LMO7: variants seen among roughly 807,000 people sequenced by gnomAD.
The protein encoded by LMO7 is LIM domain only protein 7.
Under a neutral mutation model 206.5 loss-of-function variants are expected in LMO7, and 120 were observed. The observed-to-expected ratio is 0.58, with a 90% CI of 0.50 to 0.68. The LOEUF (loss-of-function observed/expected upper bound fraction) is 0.68. Among genes scored for constraint, LMO7 ranks in the 30% least tolerant of loss-of-function variants. LMO7 has a pLI of 0.00. For synonymous variants in LMO7, 706 were observed against 681.5 expected, an observed-to-expected ratio of 1.04 and a Z score of -0.56; for missense variants, 1,959 against 1,957.9, an observed-to-expected ratio of 1.00 and a Z score of -0.01.
intron 3 of LMO7, among the ~76,000 whole-genome samples, chr13:75,729,792 G>T (rs1274630451): frequency 2.7e-5 from 4 of 150,306 alleles, no homozygotes; most frequent in Non-Finnish European, 5.9e-5. Context: ...ATTATTTTGA[G>T]ATATGTCCCA....
In LMO7 at chr13:75,636,523, C is replaced by A; in HGVS notation, c.-135C>A. 3 of 1,514,544 alleles carry A rather than the reference C, an allele frequency of 2.0e-6. No homozygotes were observed. The highest frequency in any genetic ancestry group is 2.2e-5 in the Admixed American group (1 of 46,236). 93.8% of individuals were successfully genotyped at this position (1,514,544 alleles called of 1,614,324 possible). On this transcript the variant is annotated 5_prime_UTR_variant, in exon 1 of 31. Coordinates refer to ENST00000377534, the MANE Select transcript of LMO7 (RefSeq NM_001306080.2). ...GCAACAAAGGGAACTAGAGCCCCGG[C>A]GCCTTCGCAGCCGGAGCGGAAGCCG...
At chr13:75,801,002 A>G (rs1395251425) in intron 7 of LMO7, 120 bp downstream of exon 7, 4 of 844,534 alleles carry the variant, frequency 4.7e-6, no homozygotes, top group Admixed American at 1.9e-5. Context: ...GTGGATTTTC[A>G]TAGAGACTGG....
intron 3 of LMO7, among the ~76,000 whole-genome samples, chr13:75,737,773 A>AAAAAG (rs1566372136): frequency 1.6e-4 from 6 of 36,492 alleles, no homozygotes; most frequent in Non-Finnish European, 2.3e-4. Context: ...AAAATAAAAT[A>AAAAAG]AAATAAAATA....
chr13:75,780,062 C>T (rs958673131), intron 4 of LMO7, among the ~76,000 whole-genome samples: 1 of 152,092 alleles, frequency 6.6e-6, no homozygotes, highest in African/African-American at 2.4e-5. Context: ...TCACATGCTT[C>T]AAGGGCAATA....
At chr13:75,831,140 T>C (rs1464071262) in intron 15 of LMO7, among the ~76,000 whole-genome samples, 1 of 152,186 alleles carries the variant, frequency 6.6e-6, no homozygotes, top group East Asian at 1.9e-4. Flanking sequence ...ATTCTTCAGA[T>C]TGGCATTCAT....
At chr13:75,837,721 TTTCAC>T (rs2059242131) in intron 19 of LMO7, among the ~76,000 whole-genome samples, 1 of 152,206 alleles carries the variant, frequency 6.6e-6, no homozygotes, top group Non-Finnish European at 1.5e-5. Flanking sequence ...CCCCATTACT[TTTCAC>T]TTCTTATTCA....
At chr13:75,632,861 A>AGTTTTTT (rs2035128358), upstream of LMO7, among the ~76,000 whole-genome samples, 1 of 30,542 alleles carries the variant, frequency 3.3e-5, no homozygotes, top group African/African-American at 8.6e-5. Context: ...ATTACTTAAA[A>AGTTTTTT]GTTTTTTTTT....
chr13:75,835,896 C>G (rs2059074405), intron 18 of LMO7, among the ~76,000 whole-genome samples: 1 of 152,042 alleles, frequency 6.6e-6, no homozygotes, highest in African/African-American at 2.4e-5. Flanking sequence ...ACTTTGAAGT[C>G]ATGTGGTTTC....
At chr13:75,809,554 C>T (rs1329135638) in intron 11 of LMO7, among the ~76,000 whole-genome samples, 1 of 152,092 alleles carries the variant, frequency 6.6e-6, no homozygotes, top group East Asian at 1.9e-4. Context: ...GCCCAAATTA[C>T]TACATTTTAG....
intron 4 of LMO7, among the ~76,000 whole-genome samples, chr13:75,781,539 T>C (rs1241696374): frequency 2.0e-5 from 3 of 152,104 alleles, no homozygotes; most frequent in Non-Finnish European, 2.9e-5. Context: ...GTTGGACATT[T>C]GGGTTGGTTC....
intron 1 of LMO7, among the ~76,000 whole-genome samples, chr13:75,639,820 A>G (rs2036343752): frequency 6.6e-6 from 1 of 152,232 alleles, no homozygotes. Context: ...GCTGGAGCAG[A>G]ACAGGCTAAC....
chr13:75,832,014 T>TA (rs763948263), intron 15 of LMO7, among the ~76,000 whole-genome samples: 30 of 152,182 alleles, frequency 2.0e-4, no homozygotes, highest in Non-Finnish European at 3.5e-4. Flanking sequence ...ACTGCCAAGT[T>TA]AAAATGGAGA....
intron 2 of LMO7, among the ~76,000 whole-genome samples, chr13:75,725,856 T>G (rs1204195907): frequency 6.6e-6 from 1 of 152,086 alleles, no homozygotes; most frequent in Non-Finnish European, 1.5e-5. Context: ...TGTTTTATAA[T>G]TTTGAATCCT....
At chr13:75,783,367 C>T (rs1221694027) in intron 4 of LMO7, among the ~76,000 whole-genome samples, 1 of 152,136 alleles carries the variant, frequency 6.6e-6, no homozygotes, top group Non-Finnish European at 1.5e-5. Context: ...GTTGCCTAGG[C>T]TGAAGCATGC....
intron 1 of LMO7, among the ~76,000 whole-genome samples, chr13:75,674,285 A>G (rs2039833511): frequency 6.6e-6 from 1 of 152,250 alleles, no homozygotes; most frequent in African/African-American, 2.4e-5. Flanking sequence ...CCAAAAGTAT[A>G]TTGACTGACT....
chr13:75,783,559 GTGA>G (rs1379290937), intron 4 of LMO7, among the ~76,000 whole-genome samples: 8 of 152,184 alleles, frequency 5.3e-5, no homozygotes, highest in Non-Finnish European at 1.2e-4. Context: ...CTGACCTCAA[GTGA>G]TTACCCCACC....
chr13:75,738,540 T>G (rs1282451779), intron 3 of LMO7, among the ~76,000 whole-genome samples: 1 of 152,178 alleles, frequency 6.6e-6, no homozygotes, highest in Non-Finnish European at 1.5e-5. Context: ...TGAGTTTAAT[T>G]TTATAAAGAA....
In LMO7 at chr13:75,841,716, C is replaced by G. The variant is rs1435200368; in HGVS notation, c.3764C>G (p.Ser1255Cys). The change falls in exon 24 of 31, where the codon TCC becomes TGC. Residue 1255 changes from serine to cysteine, a missense_variant. Physicochemically the swap from Ser to Cys is moderately radical, Grantham distance 112. Coordinates refer to ENST00000377534, the MANE Select transcript of LMO7 (RefSeq NM_001306080.2). ...ATWEATWSEGSKSSDREGTRA... is the reference protein window; with the variant it reads ...ATWEATWSEGCKSSDREGTRA... ...TGGGAAGCTACCTGGAGTGAAGGGT[C>G]CAAGTCTTCAGACAGAGAAGGAACC... 9.3e-6 allele frequency: 15 copies of G among 1,613,880 alleles called. No homozygotes were observed. The highest frequency in any genetic ancestry group is 1.1e-5 in the Non-Finnish European group (13 of 1,179,964).
At chr13:75,700,129 T>C (rs959722651) in intron 1 of LMO7, among the ~76,000 whole-genome samples, 2 of 152,252 alleles carry the variant, frequency 1.3e-5, no homozygotes, top group South Asian at 2.1e-4. Context: ...GCTGTTATCC[T>C]GTTCTTTTAG....
Sources: gnomAD v4.1 joint callset for allele counts (sites outside exome capture counted in the v4.1 genomes callset) on GRCh38, gnomAD v4.1.1 for gene constraint, MANE v1.5 for transcripts, NCBI Gene and HGNC (gene_info 2026-07-23, HGNC 2026-07-21) for gene names.